ABCC10: variants seen among roughly 807,000 people sequenced by gnomAD.
ABCC10 encodes the protein ATP-binding cassette sub-family C member 10.
Under a neutral mutation model 143.2 loss-of-function variants are expected in ABCC10, and 110 were observed. The observed-to-expected ratio is 0.77, with a 90% CI of 0.66 to 0.90. The LOEUF is 0.90. Among genes scored for constraint, ABCC10 ranks in the 40% least tolerant of loss-of-function variants. ABCC10 has a pLI of 0.00. For missense variants in ABCC10, 1,700 were observed against 1,900.5 expected (o/e 0.89, Z 1.96); for synonymous variants, 805 against 846.7 (o/e 0.95, Z 0.85).
Position 43,445,178 on chromosome 6 carries a change from G to A in ABCC10, c.2894G>A (p.Arg965His), listed in dbSNP as rs144807379. 714 of 1,614,100 alleles carry A rather than the reference G, an allele frequency of 4.4e-4. 1 individual carries two copies. The highest frequency in any genetic ancestry group is 5.3e-4 in the Non-Finnish European group (628 of 1,179,968). ...GCCCCCAATGGCTCCTCAGACATCC[G>A]TTTCTACCTCACCGTGTATGCGACC... ...KAAPNGSSDI[R>H]FYLTVYATIA... Residue 965 changes from arginine (R) to histidine (H), a missense_variant, in exon 14 of 22, where the codon CGT (arginine) becomes CAT (histidine). By Grantham distance (29) the Arg-to-His change is conservative (BLOSUM62 0). Transcript: ENST00000372530.
chr6:43,447,206 G>C, intron 16 of ABCC10, 42 bp from the exon 17 acceptor site: 1 of 1,595,322 alleles, frequency 6.3e-7, no homozygotes, highest in South Asian at 1.1e-5. Context: ...CAAACGTCCC[G>C]GTGTCCAAGC....
chr6:43,440,215 C>G (rs1782239427), intron 8 of ABCC10, among the ~76,000 whole-genome samples: 1 of 152,082 alleles, frequency 6.6e-6, no homozygotes, highest in African/African-American at 2.4e-5. Context: ...CCTTGGCCTC[C>G]CAAAGTGCTG....
chr6:43,431,251 G>A (rs966296331), intron 2 of ABCC10, among the ~76,000 whole-genome samples: 13 of 152,134 alleles, frequency 8.5e-5, no homozygotes, highest in Non-Finnish European at 1.6e-4. Context: ...ATGTAAGTCC[G>A]ATTTTTATTC....
In ABCC10 at chr6:43,429,360, T is replaced by TG. The variant is rs759651938; in HGVS notation, c.161+1221_161+1222insG. Among the ~76,000 whole-genome samples the TG allele has an allele frequency of 5.3e-3, 767 of 145,276 alleles. 5 individuals carry two copies. Among genetic ancestry groups the TG allele is most frequent in the African/African-American group, 0.014 (554 of 38,288 alleles). On this transcript the variant is annotated intron_variant, in intron 2 of 21. Coordinates refer to ENST00000372530, the MANE Select transcript of ABCC10 (RefSeq NM_001198934.2). ...TCTTTTCCTTCTTTCTTTTCTTTCT[T>TG]TCTTTTCTTTCTTGTGTGTGTGTGT...
chr6:43,440,094 C>T (rs1782209869), intron 8 of ABCC10, among the ~76,000 whole-genome samples: 1 of 152,060 alleles, frequency 6.6e-6, no homozygotes, highest in Non-Finnish European at 1.5e-5. Flanking sequence ...GTAGCTGGGA[C>T]TACAGGTGTA....
chr6:43,435,741 CCTCA>C lies in ABCC10; in HGVS notation c.1609-5_1609-2del, dbSNP rs779619262. ...CTCCTGGGGCTTCACCCTGCACCCA[CCTCA>C]CTCAGGTGTTCACGGCCCTGGCACT... On this transcript the variant is annotated splice_region_variant and splice_polypyrimidine_tract_variant and intron_variant, in intron 4 of 21. Coordinates refer to ENST00000372530, the MANE Select transcript of ABCC10 (RefSeq NM_001198934.2). 2 of 1,613,904 alleles carry C rather than the reference CCTCA, an allele frequency of 1.2e-6. No individual in the cohort carries two copies. The highest frequency in any genetic ancestry group is 1.1e-5 in the South Asian group (1 of 91,050).
chr6:43,442,964 C>A lies in ABCC10; in HGVS notation c.2227-6C>A. 6.4e-7 allele frequency: 1 copy of A among 1,573,924 alleles called. No homozygotes were observed. Among genetic ancestry groups the A allele is most frequent in the Non-Finnish European group, 8.6e-7 (1 of 1,159,736 alleles). ...TGGTGCCCACGGTACCCTCACGTCT[C>A]CATAGGAAAAGGAGCTCTATCTCCT... On this transcript the variant is annotated splice_polypyrimidine_tract_variant and splice_region_variant and intron_variant, in intron 9 of 21. Transcript: ENST00000372530.
downstream of ABCC10, chr6:43,451,295 G>A (rs775939171): frequency 3.9e-5 from 62 of 1,607,438 alleles, no homozygotes; most frequent in East Asian, 5.4e-4. The surrounding 1 kb of genome is among the most constrained non-coding windows in gnomAD (Gnocchi z 4.4). Flanking sequence ...GGTGAGAGAG[G>A]ACATGATAAC....
Position 43,434,758 on chromosome 6 carries a change from T to G in ABCC10, c.1518T>G (p.Cys506Trp). 6.2e-7 allele frequency: 1 copy of G among 1,614,198 alleles called. No individual in the cohort carries two copies. Among genetic ancestry groups the G allele is most frequent in the Non-Finnish European group, 8.5e-7 (1 of 1,180,030 alleles). ...LRVIKYLDAA[C>W]VYLWAALPVV... Reference sequence around the variant, plus strand: ...TCATCAAATACCTGGATGCGGCCTGTGTATACCTGTGGGCTGCCCTACCGG... The same window carrying G: ...TCATCAAATACCTGGATGCGGCCTGGGTATACCTGTGGGCTGCCCTACCGG... The change falls in exon 4 of 22, where the codon TGT (cysteine) becomes TGG (tryptophan). Residue 506 changes from cysteine (C) to tryptophan (W), a missense_variant. Cys to Trp is a radical substitution (Grantham distance 215). Transcript: ENST00000372530.
At position 43,450,020 on chromosome 6, in the gene ABCC10, C is replaced by T; in HGVS notation, c.4408C>T (p.Pro1470Ser). The change falls in exon 22 of 22, where the codon CCC becomes TCC. Residue 1470 changes from proline (P) to serine (S), a missense_variant. Pro to Ser is a moderately conservative substitution (Grantham distance 74). Transcript: ENST00000372530. This position sits in a 1 kb window ranked among gnomAD's most constrained non-coding sequence, Gnocchi z 4.5. ...CTCCCCGGCCACCCTGCGCAACCAG[C>T]CCCACTCCCTGTTCCAGCAGCTGCT... ...LDSPATLRNQ[P>S]HSLFQQLLQS... The T allele has an allele frequency of 6.2e-7, 1 of 1,613,326 alleles. No homozygotes were observed.
chr6:43,445,478 A>G, intron 14 of ABCC10, 121 bp from the exon 15 acceptor site: 1 of 1,368,472 alleles, frequency 7.3e-7, no homozygotes, highest in East Asian at 2.3e-5. Flanking sequence ...TTCTGGGGAT[A>G]TTTTAGTCCT....
At chr6:43,445,522 C>T in intron 14 of ABCC10, 77 bp from the exon 15 acceptor site, 1 of 1,477,852 alleles carries the variant, frequency 6.8e-7, no homozygotes, top group Non-Finnish European at 9.3e-7. Context: ...TCCCCTCCAC[C>T]CCACCTCCCC....
intron 9 of ABCC10, 99 bp downstream of exon 9, chr6:43,442,059 A>T (rs76089032): frequency 2.9e-6 from 3 of 1,021,726 alleles, no homozygotes; most frequent in African/African-American, 3.2e-5. Flanking sequence ...TTTCCTTAGC[A>T]TCTGGTTCCT....
Position 43,449,198 on chromosome 6 carries a change from T to A in ABCC10, c.4197T>A (p.Asp1399Glu). 1 of 1,613,392 alleles carries A rather than the reference T, an allele frequency of 6.2e-7. No homozygotes were observed. Among genetic ancestry groups the A allele is most frequent in the African/African-American group, 1.3e-5 (1 of 74,790 alleles). ...GTTTGGCCAGGGCTCTCCTCACAGA[T>A]GCCAAGGTAAGGTGAGAGAAAGAGA... Reference protein sequence around the residue: ...LLCLARALLTDAKILCIDEAT... With the variant: ...LLCLARALLTEAKILCIDEAT... Residue 1399 changes from aspartate (D) to glutamate (E), a missense_variant, in exon 20 of 22, where the codon GAT becomes GAA. Physicochemically the swap from Asp to Glu is conservative, Grantham distance 45 (BLOSUM62 2). Transcript: ENST00000372530.
In ABCC10 at chr6:43,437,777, G is replaced by T. The variant is rs188141630; in HGVS notation, c.1876-157G>T. On this transcript the variant is annotated intron_variant, in intron 6 of 21. Transcript: ENST00000372530. ...TTTCTAGAGCCTGATTTGTTGATCA[G>T]CCTGTGAAGCGGAGAATTCTTTCCC... 1.6e-3 allele frequency among the ~76,000 whole-genome samples: 242 copies of T among 151,920 alleles called. 2 individuals carry two copies. Among genetic ancestry groups the T allele is most frequent in the Middle Eastern group, 6.8e-3 (2 of 292 alleles).
chr6:43,438,546 C>T, intron 7 of ABCC10, 78 bp from the exon 8 acceptor site: 3 of 1,552,562 alleles, frequency 1.9e-6, no homozygotes, highest in Non-Finnish European at 2.6e-6. Flanking sequence ...CCTGGGGAGG[C>T]TTCTAGGAGT....
chr6:43,436,702 T>TG (rs1032855487), intron 6 of ABCC10, among the ~76,000 whole-genome samples: 1 of 152,306 alleles, frequency 6.6e-6, no homozygotes, highest in Admixed American at 6.5e-5. Context: ...GAACTTAAAA[T>TG]GGGGCATTCC....
At chr6:43,439,888 C>T (rs1029491449) in intron 8 of ABCC10, among the ~76,000 whole-genome samples, 3 of 149,026 alleles carry the variant, frequency 2.0e-5, no homozygotes, top group Non-Finnish European at 4.5e-5. Flanking sequence ...GGCCTACTAC[C>T]CTGTCTTTTT....
chr6:43,451,507 C>T (rs1783734198), downstream of ABCC10, among the ~76,000 whole-genome samples: 1 of 152,164 alleles, frequency 6.6e-6, no homozygotes, highest in Non-Finnish European at 1.5e-5. This position sits in a 1 kb window ranked among gnomAD's most constrained non-coding sequence, Gnocchi z 4.4. Context: ...GAAGGCAGGG[C>T]TCAGGGTAAG....
Sources: allele counts gnomAD v4.1 joint callset (sites outside exome capture counted in the v4.1 genomes callset), GRCh38; gene constraint gnomAD v4.1.1; non-coding constraint Gnocchi (gnomAD v3.1); transcripts MANE v1.5; gene names NCBI Gene and HGNC (gene_info 2026-07-23, HGNC 2026-07-21).